POC1A: variants seen among roughly 807,000 people sequenced by gnomAD.
POC1A encodes POC1 centriolar protein A.
In POC1A, 34 loss-of-function variants were observed where a neutral mutation model predicts 47.8. The observed-to-expected ratio is 0.71, with a 90% CI of 0.54 to 0.95. The LOEUF (loss-of-function observed/expected upper bound fraction) is 0.95. Ranked by LOEUF, POC1A falls within the 40% of genes least tolerant of loss-of-function variation. The pLI is 0.00. For synonymous variants in POC1A, 177 were observed against 207.6 expected, an observed-to-expected ratio of 0.85 and a Z score of 1.27; for missense variants, 466 against 528.3, an observed-to-expected ratio of 0.88 and a Z score of 1.16.
chr3:52,135,271 A>C (rs2107147478), intron 7 of POC1A, among the ~76,000 whole-genome samples: 1 of 152,338 alleles, frequency 6.6e-6, no homozygotes, highest in East Asian at 1.9e-4. Flanking sequence ...CTCCATAAGC[A>C]CTAGGTATTC....
intron 6 of POC1A, among the ~76,000 whole-genome samples, chr3:52,140,384 T>C (rs1438538799): frequency 6.6e-6 from 1 of 152,160 alleles, no homozygotes; most frequent in Non-Finnish European, 1.5e-5. Context: ...AAGTCTGCAC[T>C]GGGATGAAGG....
intron 7 of POC1A, among the ~76,000 whole-genome samples, chr3:52,135,168 T>C (rs1704397588): frequency 1.3e-5 from 2 of 152,034 alleles, no homozygotes; most frequent in African/African-American, 4.8e-5. Context: ...GTAATGAACA[T>C]CCTCGGAACC....
At chr3:52,148,171 G>A (rs903483845) in intron 4 of POC1A, among the ~76,000 whole-genome samples, 2 of 152,326 alleles carry the variant, frequency 1.3e-5, no homozygotes, top group East Asian at 1.9e-4. Flanking sequence ...ACTCAAGTGC[G>A]GGTCAGCAAG....
intron 7 of POC1A, among the ~76,000 whole-genome samples, chr3:52,133,659 A>C (rs959017729): frequency 2.0e-5 from 3 of 152,082 alleles, no homozygotes; most frequent in African/African-American, 7.2e-5. Flanking sequence ...AGACAACTGA[A>C]AGGTAAATCA....
At chr3:52,081,929 C>T (rs1026097177) in intron 10 of POC1A, among the ~76,000 whole-genome samples, 17 of 151,848 alleles carry the variant, frequency 1.1e-4, no homozygotes, top group Non-Finnish European at 2.2e-4. Flanking sequence ...TACCTGGTGA[C>T]GAGTTAGATG....
At chr3:52,127,411 G>A (rs892223920) in intron 7 of POC1A, among the ~76,000 whole-genome samples, 1 of 149,170 alleles carries the variant, frequency 6.7e-6, no homozygotes, top group African/African-American at 2.5e-5. Context: ...TTTTTTTTGA[G>A]GCAGAGTCTC....
chr3:52,151,678 A>G (rs981273347), intron 1 of POC1A, among the ~76,000 whole-genome samples: 5 of 152,190 alleles, frequency 3.3e-5, no homozygotes, highest in Middle Eastern at 3.4e-3. Flanking sequence ...AAAGACGACA[A>G]AACATCACTA....
At position 52,075,930 on chromosome 3, in the gene POC1A, C is replaced by A. The variant is rs1702101255; in HGVS notation, c.1181G>T (p.Cys394Phe). 1 of 1,614,014 alleles carries A rather than the reference C, an allele frequency of 6.2e-7. No individual in the cohort carries two copies. The change falls in exon 11 of 11, where the codon TGT (cysteine) becomes TTT (phenylalanine). Residue 394 changes from cysteine to phenylalanine, a missense_variant. Coordinates refer to ENST00000296484, the MANE Select transcript of POC1A (RefSeq NM_015426.5). ...LTLTEDKLKQCLENQQLIMQR... is the reference protein window; with the variant it reads ...LTLTEDKLKQFLENQQLIMQR... ...CATGATTAGCTGCTGGTTCTCCAGA[C>A]ACTGCTTCAGCTTGTCTTCTGTCAG...
chr3:52,082,421 G>A (rs1322208502), intron 10 of POC1A, among the ~76,000 whole-genome samples: 1 of 152,196 alleles, frequency 6.6e-6, no homozygotes, highest in Non-Finnish European at 1.5e-5. Context: ...AGGCTAGCTT[G>A]GGCTGGCTCT....
At chr3:52,087,279 A>G (rs1702489632) in intron 10 of POC1A, among the ~76,000 whole-genome samples, 1 of 152,160 alleles carries the variant, frequency 6.6e-6, no homozygotes, top group South Asian at 2.1e-4. Flanking sequence ...GAGGGGAAGG[A>G]ATGGAGCTCC....
intron 10 of POC1A, among the ~76,000 whole-genome samples, chr3:52,081,506 A>AG (rs112531661): frequency 0.019 from 2,966 of 152,226 alleles, 84 homozygotes; most frequent in African/African-American, 0.063. Context: ...GCTGGGACGG[A>AG]GGGGCAAGAG....
At chr3:52,110,564 G>A (rs1232035881) in intron 9 of POC1A, among the ~76,000 whole-genome samples, 1 of 152,260 alleles carries the variant, frequency 6.6e-6, no homozygotes, top group Admixed American at 6.5e-5. Context: ...CTCGGTTCTT[G>A]TGCACCCTCT....
rs1268396434 is a variant in POC1A, at chr3:52,075,599, G to A, written c.*288C>T. The A allele has an allele frequency of 7.6e-6, 2 of 262,644 alleles. No homozygotes were observed. Among genetic ancestry groups the A allele is most frequent in the African/African-American group, 4.3e-5 (2 of 46,820 alleles). The allele number at this position is 262,644 out of a possible 1,614,324, so 16.3% of individuals were successfully genotyped here. On this transcript the variant is annotated 3_prime_UTR_variant, in exon 11 of 11. Transcript: ENST00000296484. ...GCCACAATCTCAGGACCCCGAAGGA[G>A]CAGACATTTTCAAGTGGCTCCTTTA...
intron 10 of POC1A, among the ~76,000 whole-genome samples, chr3:52,077,997 C>T (rs1702169830): frequency 6.6e-6 from 1 of 152,174 alleles, no homozygotes; most frequent in Non-Finnish European, 1.5e-5. Flanking sequence ...TCACCTGTTT[C>T]ACAACCAGCC....
At chr3:52,095,974 G>A (rs367786568) in intron 10 of POC1A, among the ~76,000 whole-genome samples, 1 of 152,252 alleles carries the variant, frequency 6.6e-6, no homozygotes, top group African/African-American at 2.4e-5. Flanking sequence ...GGGTGGTCAG[G>A]GCCACAACTA....
chr3:52,120,730 C>G (rs570919977), intron 9 of POC1A, among the ~76,000 whole-genome samples: 9 of 152,326 alleles, frequency 5.9e-5, no homozygotes, highest in African/African-American at 2.2e-4. Context: ...AGTATGGGAA[C>G]AAGTGGTTGC....
At chr3:52,103,248 C>A (rs114975867) in intron 9 of POC1A, among the ~76,000 whole-genome samples, 1 of 152,318 alleles carries the variant, frequency 6.6e-6, no homozygotes, top group Non-Finnish European at 1.5e-5. Context: ...ACTGTAAGGC[C>A]GGGTATAATG....
At chr3:52,106,890 C>T (rs1703204385) in intron 9 of POC1A, among the ~76,000 whole-genome samples, 1 of 152,240 alleles carries the variant, frequency 6.6e-6, no homozygotes, top group African/African-American at 2.4e-5. Context: ...CAAGCATTTC[C>T]AAGAATTTTC....
At position 52,111,505 on chromosome 3, in the gene POC1A, G is replaced by T. The variant is rs558598246; in HGVS notation, c.981+10874C>A. ...CTACTAAAAATACAAAAATTAGCCA[G>T]GTGTAGTGGCAGGTGCCTGTAATCC... is the stretch of plus-strand genomic sequence containing the variant. On this transcript the variant is annotated intron_variant, in intron 9 of 10. Coordinates refer to ENST00000296484, the MANE Select transcript of POC1A (RefSeq NM_015426.5). 4.6e-5 allele frequency among the ~76,000 whole-genome samples: 7 copies of T among 152,216 alleles called. No individual in the cohort carries two copies. The East Asian group carries it at 1.4e-3, about 29-fold the overall frequency.
Sources: allele counts gnomAD v4.1 joint callset (sites outside exome capture counted in the v4.1 genomes callset), GRCh38; gene constraint gnomAD v4.1.1; transcripts MANE v1.5; gene names NCBI Gene and HGNC (gene_info 2026-07-23, HGNC 2026-07-21).